RASAL2: variants seen among roughly 807,000 people sequenced by gnomAD.
RASAL2 encodes the protein ras GTPase-activating protein nGAP.
In RASAL2, 58 loss-of-function variants were observed where a neutral mutation model predicts 128.9. The ratio of observed to expected loss-of-function variants is 0.45; its 90% CI spans 0.36 to 0.56. The LOEUF (loss-of-function observed/expected upper bound fraction) is 0.56. Ranked by LOEUF, RASAL2 falls within the 20% of genes least tolerant of loss-of-function variation. RASAL2 has a pLI of 0.00. For synonymous variants in RASAL2, 561 were observed against 580.8 expected (o/e 0.97, Z 0.49); for missense variants, 1,360 against 1,601.6 (o/e 0.85, Z 2.57).
intron 1 of RASAL2, among the ~76,000 whole-genome samples, chr1:178,277,147 C>CAAAA (rs61384367): frequency 2.2e-4 from 12 of 55,034 alleles, no homozygotes; most frequent in East Asian, 5.5e-4. Flanking sequence ...GATTCCCTCT[C>CAAAA]AAAAAAAAAA....
At chr1:178,455,460 A>G (rs934419585) in intron 12 of RASAL2, among the ~76,000 whole-genome samples, 2 of 152,226 alleles carry the variant, frequency 1.3e-5, no homozygotes, top group Admixed American at 6.5e-5. Context: ...TTTCCTATCA[A>G]TAAAAATGCT....
chr1:178,459,828 A>G (rs1157780850), intron 14 of RASAL2, among the ~76,000 whole-genome samples: 1 of 152,166 alleles, frequency 6.6e-6, no homozygotes, highest in Non-Finnish European at 1.5e-5. Flanking sequence ...TTATTTTGTT[A>G]TATTTCCCAA....
chr1:178,236,884 C>T (rs1664273021), intron 1 of RASAL2, among the ~76,000 whole-genome samples: 1 of 151,700 alleles, frequency 6.6e-6, no homozygotes, highest in African/African-American at 2.4e-5. Context: ...CTGCCTCAGC[C>T]TCCTGAGTAG....
intron 1 of RASAL2, among the ~76,000 whole-genome samples, chr1:178,177,876 A>T (rs1406635357): frequency 6.6e-6 from 1 of 152,238 alleles, no homozygotes; most frequent in African/African-American, 2.4e-5. Context: ...TTTGTAATTA[A>T]TAATGGATAA....
chr1:178,135,115 C>A (rs894180404), intron 1 of RASAL2, among the ~76,000 whole-genome samples: 4 of 152,142 alleles, frequency 2.6e-5, no homozygotes, highest in African/African-American at 9.7e-5. Flanking sequence ...TATTAGGCAT[C>A]CACCCTACAG....
Position 178,300,860 on chromosome 1 carries a change from A to G in RASAL2, c.457+742A>G, listed in dbSNP as rs1262213493. ...TAAATAGAAAAATGAAGCAATTTGA[A>G]AAGTAGGAATTGTTTTGGTGCTTTA... On this transcript the variant is annotated intron_variant, in intron 3 of 17. Transcript: ENST00000367649. Among the ~76,000 whole-genome samples, 3 of 152,216 alleles carry G rather than the reference A, an allele frequency of 2.0e-5. No homozygotes were observed. The East Asian group carries it at 5.8e-4, about 29-fold the overall frequency.
chr1:178,471,762 C>G (rs1648294716), intron 17 of RASAL2, among the ~76,000 whole-genome samples: 1 of 152,028 alleles, frequency 6.6e-6, no homozygotes, highest in Non-Finnish European at 1.5e-5. Context: ...AGATTTTTCC[C>G]CCAGGGCCGT....
chr1:178,456,954 G>A lies in RASAL2; in HGVS notation c.2390+55G>A. The A allele has an allele frequency of 2.6e-6, 4 of 1,548,382 alleles. No individual in the cohort carries two copies. The South Asian group carries it at 3.4e-5, about 13-fold the overall frequency. Reference sequence around the variant, plus strand: ...CGGAGAAACATAATGTTTAGATTTAGCAGAAGTATATTCAACCTATTTGTT... The same window carrying A: ...CGGAGAAACATAATGTTTAGATTTAACAGAAGTATATTCAACCTATTTGTT... On this transcript the variant is annotated intron_variant, in intron 13 of 17. Coordinates refer to ENST00000367649, the MANE Select transcript of RASAL2 (RefSeq NM_170692.4).
At position 178,094,222 on chromosome 1, in the gene RASAL2, C is replaced by G. The variant is rs2102201395; in HGVS notation, c.-271C>G. On this transcript the variant is annotated 5_prime_UTR_variant, in exon 1 of 18. Transcript: ENST00000367649. ...CGTCCTCTCCCGGGAGGGACCCACA[C>G]ACACCTGAGCCCGGACCCACCCTTG... The G allele has an allele frequency of 6.1e-6, 3 of 493,170 alleles. No individual in the cohort carries two copies. Among genetic ancestry groups the G allele is most frequent in the Non-Finnish European group, 1.1e-5 (3 of 281,824 alleles). The allele number at this position is 493,170 out of a possible 1,614,324, so 30.5% of individuals were successfully genotyped here.
chr1:178,439,537 CT>C lies in RASAL2; in HGVS notation c.792del (p.His265IlefsTer16). 2.5e-6 allele frequency: 4 copies of C among 1,612,888 alleles called. No homozygotes were observed. Among genetic ancestry groups the C allele is most frequent in the Non-Finnish European group, 3.4e-6 (4 of 1,179,282 alleles). Reference sequence around the variant, plus strand: ...AGGGGAACCTGTATCAGTGAAACCACTTCATAGTAGCATCCTTGGACAAGAC... The same window carrying C: ...AGGGGAACCTGTATCAGTGAAACCACTCATAGTAGCATCCTTGGACAAGAC... ...GRGEPVSVKPLHSSILGQDFC... is the reference protein window; with the variant it reads ...GRGEPVSVKPXHSSILGQDFC... On this transcript the variant is annotated frameshift_variant, in exon 6 of 18. Coordinates refer to ENST00000367649, the MANE Select transcript of RASAL2 (RefSeq NM_170692.4). LOFTEE classifies it high-confidence loss of function.
intron 1 of RASAL2, among the ~76,000 whole-genome samples, chr1:178,127,340 A>G (rs979646065): frequency 8.5e-5 from 13 of 152,176 alleles, no homozygotes; most frequent in African/African-American, 3.1e-4. Context: ...AGCAGGAAAA[A>G]AAATATTTTC....
At chr1:178,454,415 GT>G in intron 11 of RASAL2, 31 bp from the exon 12 acceptor site, 1 of 1,513,056 alleles carries the variant, frequency 6.6e-7, no homozygotes. Flanking sequence ...TCTTGAATAT[GT>G]TCTTTCTCAT....
chr1:178,321,134 A>T (rs1334812287), intron 3 of RASAL2, among the ~76,000 whole-genome samples: 3 of 152,136 alleles, frequency 2.0e-5, no homozygotes, highest in African/African-American at 7.2e-5. Context: ...CCCAGGCTGG[A>T]GTGCAGTGGC....
At chr1:178,163,097 A>C (rs536766448) in intron 1 of RASAL2, among the ~76,000 whole-genome samples, 1 of 151,908 alleles carries the variant, frequency 6.6e-6, no homozygotes, top group East Asian at 1.9e-4. Context: ...CAGCCTCCCG[A>C]GTAGCTGGGC....
At chr1:178,308,582 C>T (rs1164713745) in intron 3 of RASAL2, among the ~76,000 whole-genome samples, 5 of 147,806 alleles carry the variant, frequency 3.4e-5, no homozygotes, top group Non-Finnish European at 4.5e-5. Context: ...ACTCTGTTGC[C>T]CAGGCTAGAT....
In RASAL2 at chr1:178,454,499, G is replaced by A; in HGVS notation, c.2062G>A (p.Glu688Lys). 1 of 1,613,650 alleles carries A rather than the reference G, an allele frequency of 6.2e-7. No homozygotes were observed. The highest frequency in any genetic ancestry group is 8.5e-7 in the Non-Finnish European group (1 of 1,179,624). ...MAFMNDFLEH[E>K]WGGMKRFLLE... ...ATTCATGAATGATTTTTTAGAACATGAATGGGGTGGAATGAAGCGCTTTCT... is the reference window on the plus strand; with the variant it reads ...ATTCATGAATGATTTTTTAGAACATAAATGGGGTGGAATGAAGCGCTTTCT... The change falls in exon 12 of 18, where the codon GAA becomes AAA. Residue 688 changes from glutamate (E) to lysine (K), a missense_variant. Physicochemically the swap from Glu to Lys is moderately conservative, Grantham distance 56. Coordinates refer to ENST00000367649, the MANE Select transcript of RASAL2 (RefSeq NM_170692.4).
intron 3 of RASAL2, among the ~76,000 whole-genome samples, chr1:178,378,124 A>C (rs1672090402): frequency 6.6e-6 from 1 of 151,872 alleles, no homozygotes; most frequent in South Asian, 2.1e-4. Context: ...TTAAAAGATA[A>C]ATATTGTCAG....
At chr1:178,224,349 C>T (rs1182436933) in intron 1 of RASAL2, among the ~76,000 whole-genome samples, 1 of 151,778 alleles carries the variant, frequency 6.6e-6, no homozygotes, top group Non-Finnish European at 1.5e-5. Context: ...CTTTATTTGG[C>T]CCTTCTAGAC....
At chr1:178,345,136 A>G (rs1424359571) in intron 3 of RASAL2, among the ~76,000 whole-genome samples, 1 of 152,198 alleles carries the variant, frequency 6.6e-6, no homozygotes, top group Non-Finnish European at 1.5e-5. Context: ...ACTCAAGCAC[A>G]TGAAGAGGGA....
Sources: allele counts gnomAD v4.1 joint callset (sites outside exome capture counted in the v4.1 genomes callset), GRCh38; gene constraint gnomAD v4.1.1; transcripts MANE v1.5; gene names NCBI Gene and HGNC (gene_info 2026-07-23, HGNC 2026-07-21).